Variants in TFE3 observed in about 807,000 individuals in gnomAD.
TFE3 encodes the protein transcription factor E3.
Under a neutral mutation model 35.0 loss-of-function variants are expected in TFE3, and 5 were observed. The observed-to-expected ratio is 0.14, with a 90% CI of 0.07 to 0.30. The LOEUF is 0.30. Among genes scored for constraint, TFE3 ranks in the 10% least tolerant of loss-of-function variants. The probability of loss-of-function intolerance (pLI) is 1.00; values close to 1 mark genes in which losing one functional copy is unlikely to be tolerated. For missense variants in TFE3, 374 were observed against 496.6 expected (o/e 0.75, Z 2.35); for synonymous variants, 211 against 215.6 (o/e 0.98, Z 0.18).
chrX:49,031,559 T>A lies in TFE3; in HGVS notation c.1137-15A>T. ...AGCGCATCTCCCTGTGGGGCCCAAG[T>A]GGGAGGCAAGCAGGAAATGCCACAT... On this transcript the variant is annotated splice_polypyrimidine_tract_variant and intron_variant, in intron 8 of 9. Transcript: ENST00000315869. 8.6e-7 allele frequency: 1 copy of A among 1,164,405 alleles called. No homozygotes were observed. The highest frequency in any genetic ancestry group is 1.1e-6 in the Non-Finnish European group (1 of 870,794).
chrX:49,039,650 T>C (rs377049483), intron 2 of TFE3: 3 of 337,673 alleles, frequency 8.9e-6, no homozygotes, highest in Non-Finnish European at 1.0e-5. Context: ...TTGGTCCTTA[T>C]GGTGAAGCCT....
rs1557073210 is a variant in TFE3, at chrX:49,029,401, A to G, written c.*757T>C. 7.7e-5 allele frequency: 17 copies of G among 219,728 alleles called. No individual in the cohort carries two copies. The allele number at this position is 219,728 out of a possible 1,213,427, so 18.1% of individuals were successfully genotyped here. ...GAGCTTAAGTACCACTCCTCCCTGC[A>G]GTGTGGAATGCTTAGATGGGATGTT... On this transcript the variant is annotated 3_prime_UTR_variant, in exon 10 of 10. Coordinates refer to ENST00000315869, the MANE Select transcript of TFE3 (RefSeq NM_006521.6).
At chrX:49,034,398 T>C in intron 5 of TFE3, 147 bp from the exon 6 acceptor site, 1 of 467,673 alleles carries the variant, frequency 2.1e-6, no homozygotes, top group Non-Finnish European at 3.8e-6. Context: ...CCAGAACCCT[T>C]GCTTCTCCTT....
chrX:49,033,805 G>C, intron 6 of TFE3, 23 bp from the exon 7 acceptor site: 1 of 1,208,319 alleles, frequency 8.3e-7, no homozygotes. Context: ...GGAGTGATCA[G>C]GGCCTCTGAG....
At position 49,033,796 on chromosome X, in the gene TFE3, G is replaced by A; in HGVS notation, c.1004-14C>T. On this transcript the variant is annotated splice_polypyrimidine_tract_variant and intron_variant, in intron 6 of 9. Transcript: ENST00000315869. ...TTGCCTCGGTCTCTGGAAAAGAGTGGAGTGATCAGGGCCTCTGAGCACAGG... is the reference window on the plus strand; with the variant it reads ...TTGCCTCGGTCTCTGGAAAAGAGTGAAGTGATCAGGGCCTCTGAGCACAGG... 2 of 1,210,207 alleles carry A rather than the reference G, an allele frequency of 1.7e-6. No homozygotes were observed. The highest frequency in any genetic ancestry group is 2.3e-4 in the Middle Eastern group (1 of 4,350).
intron 1 of TFE3, among the ~76,000 whole-genome samples, chrX:49,040,883 T>C (rs1469364337): frequency 7.3e-5 from 8 of 109,084 alleles, no homozygotes; most frequent in Non-Finnish European, 1.1e-4. Flanking sequence ...ATTCACTTTA[T>C]AGAAGGATTC....
At chrX:49,030,696 T>C (rs1178185525) in intron 9 of TFE3, 95 bp from the exon 10 acceptor site, 1 of 761,159 alleles carries the variant, frequency 1.3e-6, no homozygotes, top group Non-Finnish European at 1.9e-6. Context: ...GTTCCCTGGG[T>C]TGGAATTCAG....
intron 5 of TFE3, among the ~76,000 whole-genome samples, chrX:49,035,065 C>T (rs2064720342): frequency 9.1e-6 from 1 of 110,209 alleles, no homozygotes; most frequent in South Asian, 3.8e-4. Context: ...AATCCCAGCA[C>T]TTTGGGAGGC....
At chrX:49,039,077 C>T (rs1557075248) in intron 3 of TFE3, 30 bp downstream of exon 3, 2 of 1,125,570 alleles carry the variant, frequency 1.8e-6, no homozygotes, top group South Asian at 4.5e-5. Flanking sequence ...ACCAGGAGCC[C>T]CCTCCCAGGG....
chrX:49,035,507 C>T (rs1245405429), intron 5 of TFE3, among the ~76,000 whole-genome samples: 13 of 96,710 alleles, frequency 1.3e-4, no homozygotes, highest in East Asian at 1.0e-3. Context: ...CCCGGGTTCA[C>T]GCCATTCTCC....
rs1373086955 is a variant in TFE3 at position 49,031,454 on chromosome X, C to T, written c.1227G>A (p.Leu409=). The change falls in exon 9 of 10, where the codon CTG becomes CTA. Residue 409 remains leucine (L), a synonymous_variant. Coordinates refer to ENST00000315869, the MANE Select transcript of TFE3 (RefSeq NM_006521.6). The part of the protein sequence containing the change: ...LQKEQQRSKD[L]ESRQRSLEQA... ...GCTCCAGGGATCGCTGCCGGCTCTCCAGGTCTTTGGAGCGCTGCTGCTCCT... is the reference window on the plus strand; with the variant it reads ...GCTCCAGGGATCGCTGCCGGCTCTCTAGGTCTTTGGAGCGCTGCTGCTCCT... The T allele has an allele frequency of 5.0e-6, 6 of 1,202,627 alleles. No homozygotes were observed. Among genetic ancestry groups the T allele is most frequent in the Non-Finnish European group, 6.7e-6 (6 of 891,624 alleles).
chrX:49,043,304 T>G lies in TFE3; in HGVS notation c.-78A>C. ...CCCCTAACAAAATAAGAGTCCCCCC[T>G]CCCCCCAGCTCGCCACCGCCGCCTC... On this transcript the variant is annotated 5_prime_UTR_variant, in exon 1 of 10. Transcript: ENST00000315869. The G allele has an allele frequency of 2.7e-6, 2 of 737,989 alleles. No homozygotes were observed. Among genetic ancestry groups the G allele is most frequent in the Non-Finnish European group, 3.7e-6 (2 of 541,305 alleles). 60.8% of individuals were successfully genotyped at this position (737,989 alleles called of 1,213,427 possible). A position where few individuals can be genotyped will look rare whatever the true frequency, so the allele number is the denominator to read the frequency against.
chrX:49,040,179 C>T (rs1461489858), intron 2 of TFE3, among the ~76,000 whole-genome samples: 1 of 110,579 alleles, frequency 9.0e-6, no homozygotes, highest in East Asian at 2.8e-4. Flanking sequence ...GCACTCCAGG[C>T]CGGCTGGAAC....
rs782720147 is a variant in TFE3 at position 49,039,428 on chromosome X, T to G, written c.231-18A>C. 4.3e-6 allele frequency: 5 copies of G among 1,157,524 alleles called. No individual in the cohort carries two copies. The South Asian group carries it at 1.0e-4, about 24-fold the overall frequency. Reference sequence around the variant, plus strand: ...TTGGGAGGCTGTGGAATGGGAAATATGGGGCCATATTTTAGGTAAGCTAAA... The same window carrying G: ...TTGGGAGGCTGTGGAATGGGAAATAGGGGGCCATATTTTAGGTAAGCTAAA... On this transcript the variant is annotated intron_variant, in intron 2 of 9. Coordinates refer to ENST00000315869, the MANE Select transcript of TFE3 (RefSeq NM_006521.6).
intron 8 of TFE3, among the ~76,000 whole-genome samples, chrX:49,033,170 G>A (rs1271915764): frequency 9.1e-6 from 1 of 109,961 alleles, no homozygotes; most frequent in Non-Finnish European, 1.9e-5. Flanking sequence ...GGGTGACAGC[G>A]TGAGACTCCA....
chrX:49,038,215 C>T lies in TFE3; in HGVS notation c.762G>A (p.Gly254=), dbSNP rs1189002218. The change falls in exon 4 of 10, where the codon GGG becomes GGA. Residue 254 remains glycine, a synonymous_variant. Coordinates refer to ENST00000315869, the MANE Select transcript of TFE3 (RefSeq NM_006521.6). ...CTCTTACCTCCTTCTCTGAGCTGGA[C>T]CCGATGGTGAGCAGCGCCATGGGGC... ...PNSPMALLTI[G]SSSEKEIDDV... is the part of the protein sequence containing the mutation. 8.3e-7 allele frequency: 1 copy of T among 1,210,214 alleles called. No individual in the cohort carries two copies. The highest frequency in any genetic ancestry group is 1.1e-6 in the Non-Finnish European group (1 of 895,312).
chrX:49,039,451 A>G, intron 2 of TFE3, 41 bp from the exon 3 acceptor site: 1 of 1,128,996 alleles, frequency 8.9e-7, no homozygotes, highest in Non-Finnish European at 1.2e-6. Flanking sequence ...TAGGTAAGCT[A>G]AAAGTCTCAT....
intron 8 of TFE3, among the ~76,000 whole-genome samples, chrX:49,032,401 AT>A (rs1321592038): frequency 2.0e-4 from 22 of 109,901 alleles, no homozygotes; most frequent in Middle Eastern, 4.7e-3. Context: ...CGCCCAGCTA[AT>A]TTTTTTTGTA....
chrX:49,039,455 G>A, intron 2 of TFE3, 45 bp from the exon 3 acceptor site: 4 of 1,121,223 alleles, frequency 3.6e-6, no homozygotes, highest in Non-Finnish European at 4.7e-6. Context: ...TAAGCTAAAA[G>A]TCTCATCCCA....
Sources: allele counts gnomAD v4.1 joint callset (sites outside exome capture counted in the v4.1 genomes callset), GRCh38; gene constraint gnomAD v4.1.1; transcripts MANE v1.5; gene names NCBI Gene and HGNC (gene_info 2026-07-23, HGNC 2026-07-21).